The following SCARA3 variants were observed in gnomAD, a reference collection of about 807,000 sequenced individuals.
The protein encoded by SCARA3 is scavenger receptor class A member 3, also known as cellular stress response gene protein.
SCARA3 carries 39 observed loss-of-function variants against 47.0 expected under a neutral mutation model. That is an observed-to-expected ratio of 0.83 (90% confidence interval 0.64 to 1.08). The LOEUF is 1.08. SCARA3 is among the 50% of genes least tolerant of loss of function. The probability of loss-of-function intolerance (pLI) is 0.00; values close to 1 mark genes in which losing one functional copy is unlikely to be tolerated. For missense variants in SCARA3, 724 were observed against 792.3 expected (o/e 0.91, Z 1.04); for synonymous variants, 356 against 334.1 (o/e 1.07, Z -0.71).
intron 1 of SCARA3, among the ~76,000 whole-genome samples, chr8:27,647,839 ACT>A (rs1488511560): frequency 6.6e-6 from 1 of 152,098 alleles, no homozygotes; most frequent in Non-Finnish European, 1.5e-5. Context: ...TCCCCTCCCT[ACT>A]GAGTCCATTC....
chr8:27,658,067 C>G (rs773085850), intron 4 of SCARA3, among the ~76,000 whole-genome samples: 1 of 152,158 alleles, frequency 6.6e-6, no homozygotes, highest in Non-Finnish European at 1.5e-5. Context: ...CACCAATATA[C>G]GTGGCTATTT....
chr8:27,659,016 C>A lies in SCARA3; in HGVS notation c.846C>A (p.Thr282=), dbSNP rs144766635. 3.2e-5 allele frequency: 51 copies of A among 1,613,950 alleles called. No individual in the cohort carries two copies. The African/African-American group carries it at 4.7e-4, about 15-fold the overall frequency. ...TGEAVKNIQA[T]LGASSQRISQ... is the part of the protein sequence containing the mutation. ...AGGCGGTCAAGAACATCCAGGCCAC[C>A]CTGGGGGCCTCCTCACAGCGCATCA... Residue 282 remains threonine, a synonymous_variant, in exon 5 of 6, where the codon ACC becomes ACA. Transcript: ENST00000301904.
chr8:27,633,586 G>A (rs550439006), upstream of SCARA3, among the ~76,000 whole-genome samples: 4 of 150,856 alleles, frequency 2.7e-5, no homozygotes, highest in Non-Finnish European at 5.9e-5. Flanking sequence ...CTAAGATCAA[G>A]GAGCTCTCCC....
chr8:27,651,752 C>A, intron 3 of SCARA3, 125 bp downstream of exon 3: 1 of 1,302,786 alleles, frequency 7.7e-7, no homozygotes, highest in Non-Finnish European at 1.1e-6. Flanking sequence ...CCAGCATCTT[C>A]CTGGCTAGGG....
chr8:27,690,568 A>G, the SCARA3 span, among the ~76,000 whole-genome samples: 1 of 152,276 alleles, frequency 6.6e-6, no homozygotes, highest in Non-Finnish European at 1.5e-5. Flanking sequence ...ACTGTTAAAA[A>G]GTAATAAGAC....
the SCARA3 span, among the ~76,000 whole-genome samples, chr8:27,732,547 C>A: frequency 6.6e-6 from 1 of 152,224 alleles, no homozygotes; most frequent in South Asian, 2.1e-4. Flanking sequence ...AATGATAAAC[C>A]CAGGTTAAAA....
chr8:27,718,718 T>A, the SCARA3 span, among the ~76,000 whole-genome samples: 5 of 152,362 alleles, frequency 3.3e-5, no homozygotes, highest in South Asian at 1.0e-3. Flanking sequence ...GAATGCTCTA[T>A]GTATTTCCAT....
At chr8:27,702,341 T>C in the SCARA3 span, 13 of 152,388 alleles carry the variant, frequency 8.5e-5, no homozygotes, top group African/African-American at 3.1e-4. Context: ...CGACCCCAAG[T>C]GGCCCACAGT....
the SCARA3 span, among the ~76,000 whole-genome samples, chr8:27,723,685 G>T: frequency 1.3e-5 from 2 of 152,158 alleles, no homozygotes; most frequent in Non-Finnish European, 2.9e-5. Flanking sequence ...TGTTATTTGT[G>T]AACTTTGAGC....
At chr8:27,727,493 T>C in the SCARA3 span, among the ~76,000 whole-genome samples, 213 of 152,280 alleles carry the variant, frequency 1.4e-3, no homozygotes, top group African/African-American at 4.0e-3. Context: ...TGGATAATAC[T>C]CTGTCACCTA....
intron 1 of SCARA3, among the ~76,000 whole-genome samples, chr8:27,645,246 T>A (rs961182697): frequency 1.3e-5 from 2 of 152,254 alleles, no homozygotes; most frequent in Non-Finnish European, 2.9e-5. Context: ...CTTCATTTTT[T>A]AAATACACAT....
intron 5 of SCARA3, among the ~76,000 whole-genome samples, chr8:27,664,192 C>T (rs1054671353): frequency 2.6e-5 from 4 of 152,156 alleles, no homozygotes; most frequent in African/African-American, 9.7e-5. Context: ...CGTATGTGCA[C>T]GACCTCTAGG....
At chr8:27,722,151 C>T in the SCARA3 span, among the ~76,000 whole-genome samples, 1 of 152,124 alleles carries the variant, frequency 6.6e-6, no homozygotes, top group African/African-American at 2.4e-5. Flanking sequence ...GGTAGCATGA[C>T]ATTTGTAGAC....
intron 3 of SCARA3, among the ~76,000 whole-genome samples, chr8:27,656,199 T>C (rs1463009261): frequency 6.6e-6 from 1 of 152,252 alleles, no homozygotes; most frequent in East Asian, 1.9e-4. Context: ...ACTTTTATTA[T>C]AGCATACTGT....
chr8:27,671,721 CAT>C lies in SCARA3; in HGVS notation c.*371_*372del. The stretch of plus-strand genomic sequence containing the variant: ...AGGCACACATGCATGCACACATACA[CAT>C]GCACACACACATGCACACATATATG... On this transcript the variant is annotated 3_prime_UTR_variant, in exon 6 of 6. Coordinates refer to ENST00000301904, the MANE Select transcript of SCARA3 (RefSeq NM_016240.3). The C allele has an allele frequency of 9.5e-7, 1 of 1,048,860 alleles. No homozygotes were observed. The highest frequency in any genetic ancestry group is 6.8e-5 in the East Asian group (1 of 14,640). 65.0% of individuals were successfully genotyped at this position (1,048,860 alleles called of 1,614,324 possible).
the SCARA3 span, among the ~76,000 whole-genome samples, chr8:27,727,311 C>T: frequency 5.3e-5 from 8 of 152,316 alleles, no homozygotes; most frequent in African/African-American, 1.7e-4. Context: ...AGCTTTGAAA[C>T]CCCCCTTGAA....
At chr8:27,646,510 G>C (rs1801495576) in intron 1 of SCARA3, among the ~76,000 whole-genome samples, 1 of 152,178 alleles carries the variant, frequency 6.6e-6, no homozygotes, top group Non-Finnish European at 1.5e-5. Context: ...CAGGGAGGAG[G>C]CCCAGTCACG....
chr8:27,641,862 G>A (rs1209764733), intron 1 of SCARA3, among the ~76,000 whole-genome samples: 1 of 152,202 alleles, frequency 6.6e-6, no homozygotes. Context: ...GCAGGAGACA[G>A]AATGAAGAAT....
the SCARA3 span, among the ~76,000 whole-genome samples, chr8:27,726,420 C>T: frequency 6.6e-6 from 1 of 151,944 alleles, no homozygotes; most frequent in Non-Finnish European, 1.5e-5. Context: ...AAACAACAGC[C>T]AGGCGCAGTG....
Sources: gnomAD v4.1 joint callset for allele counts (sites outside exome capture counted in the v4.1 genomes callset) on GRCh38, gnomAD v4.1.1 for gene constraint, MANE v1.5 for transcripts, NCBI Gene and HGNC (gene_info 2026-07-23, HGNC 2026-07-21) for gene names.